CFAP54: variants seen among roughly 807,000 people sequenced by gnomAD.
CFAP54 encodes the protein cilia- and flagella-associated protein 54.
A neutral mutation model predicts 370.4 loss-of-function variants in CFAP54; 290 were observed. The observed-to-expected ratio is 0.78, with a 90% CI of 0.71 to 0.86. The LOEUF (loss-of-function observed/expected upper bound fraction) is 0.86, where lower values mean the gene tolerates loss of function less well. Ranked by LOEUF, CFAP54 falls within the 40% of genes least tolerant of loss-of-function variation. The pLI, the probability that CFAP54 is intolerant of heterozygous loss-of-function variation, is 0.00. For missense variants in CFAP54, 3,399 were observed against 3,528.7 expected, an observed-to-expected ratio of 0.96 and a Z score of 0.93; for synonymous variants, 1,206 against 1,236.5, an observed-to-expected ratio of 0.98 and a Z score of 0.52.
Position 96,579,162 on chromosome 12 carries a change from T to C in CFAP54, c.2797-1435T>C, listed in dbSNP as rs546552430. 3.5e-4 allele frequency among the ~76,000 whole-genome samples: 53 copies of C among 152,212 alleles called. 1 individual carries two copies. The highest frequency in any genetic ancestry group is 3.1e-4 in the Non-Finnish European group (21 of 67,976). ...ATGGGAAATCAAAGGAAGTTAGTTT[T>C]GCATTTTTTTTTTCTGAGATTCATC... On this transcript the variant is annotated intron_variant, in intron 20 of 67. Coordinates refer to ENST00000524981, the MANE Select transcript of CFAP54 (RefSeq NM_001306084.2).
intron 13 of CFAP54, among the ~76,000 whole-genome samples, chr12:96,539,881 A>T (rs1004072043): frequency 2.6e-5 from 4 of 152,158 alleles, no homozygotes; most frequent in African/African-American, 7.2e-5. Flanking sequence ...TAACCTGGAA[A>T]CTTAGGAGAA....
chr12:96,638,203 G>A lies in CFAP54; in HGVS notation c.4317-5975G>A, dbSNP rs200439108. 9.9e-3 allele frequency among the ~76,000 whole-genome samples: 896 copies of A among 90,960 alleles called. 4 individuals are homozygous for A. The highest frequency in any genetic ancestry group is 0.019 in the Middle Eastern group (3 of 160). 59.7% of individuals were successfully genotyped at this position (90,960 alleles called of 152,430 possible). A position where few individuals can be genotyped will look rare whatever the true frequency, so the allele number is the denominator to read the frequency against. On this transcript the variant is annotated intron_variant, in intron 32 of 67. Transcript: ENST00000524981. ...CTGCATCATATATATATATATATATGCATGTGTGTGTGTGTGTGTGTGTGT... is the reference window on the plus strand; with the variant it reads ...CTGCATCATATATATATATATATATACATGTGTGTGTGTGTGTGTGTGTGT...
rs1955215423 is a variant in CFAP54 at position 96,515,064 on chromosome 12, G to C, written c.798+2020G>C. ...TGCTCTGTTGCCCAGGCTGGGTGCA[G>C]TGGCGCCGTCTTAGCTCACTGCAAG... On this transcript the variant is annotated intron_variant, in intron 5 of 67. Coordinates refer to ENST00000524981, the MANE Select transcript of CFAP54 (RefSeq NM_001306084.2). Among the ~76,000 whole-genome samples the C allele has an allele frequency of 2.0e-5, 3 of 150,008 alleles. No individual in the cohort carries two copies. The South Asian group carries it at 6.3e-4, about 31-fold the overall frequency.
At chr12:96,703,240 A>G (rs1957511029) in intron 46 of CFAP54, among the ~76,000 whole-genome samples, 1 of 152,234 alleles carries the variant, frequency 6.6e-6, no homozygotes, top group South Asian at 2.1e-4. Context: ...GGAAAGCTAG[A>G]TAGGGGAAAA....
intron 15 of CFAP54, among the ~76,000 whole-genome samples, chr12:96,552,616 T>C (rs772424856): frequency 4.6e-5 from 7 of 152,276 alleles, no homozygotes; most frequent in Non-Finnish European, 8.8e-5. Flanking sequence ...AGTGTTGGGG[T>C]TACAGGCGTG....
chr12:96,809,240 C>A (rs7305321), intron 63 of CFAP54, among the ~76,000 whole-genome samples: 52,322 of 151,824 alleles, frequency 0.34, 9,310 homozygotes, highest in South Asian at 0.55. Context: ...CAGTTCATGG[C>A]CTTTTTTTAT....
chr12:96,771,458 C>T (rs951724379), intron 60 of CFAP54, among the ~76,000 whole-genome samples: 13 of 152,178 alleles, frequency 8.5e-5, no homozygotes, highest in Admixed American at 2.6e-4. Flanking sequence ...GGAGACCATC[C>T]TGGCTAACAC....
chr12:96,784,505 A>G (rs1410437640), intron 60 of CFAP54, among the ~76,000 whole-genome samples: 3 of 151,546 alleles, frequency 2.0e-5, no homozygotes, highest in Non-Finnish European at 4.4e-5. Flanking sequence ...GAGAGTTCAT[A>G]TATATATATA....
intron 60 of CFAP54, among the ~76,000 whole-genome samples, chr12:96,782,082 A>G (rs1958585780): frequency 6.6e-6 from 1 of 152,114 alleles, no homozygotes; most frequent in Non-Finnish European, 1.5e-5. Flanking sequence ...TAATAGATTG[A>G]AAGAGAAAAA....
rs182254670 is a variant in CFAP54 at position 96,794,519 on chromosome 12, C to T, written c.8850+2020C>T. 3.2e-3 allele frequency among the ~76,000 whole-genome samples: 481 copies of T among 150,236 alleles called. 7 individuals carry two copies. Among genetic ancestry groups the T allele is most frequent in the East Asian group, 2.5e-3 (13 of 5,132 alleles). ...TCTGAAATTCTTTCTTATACTTGTT[C>T]GATTCTATTGTTGAGACTTTCCATT... is the stretch of plus-strand genomic sequence containing the variant. On this transcript the variant is annotated intron_variant, in intron 63 of 67. Transcript: ENST00000524981.
chr12:96,827,006 A>T (rs7976898), intron 65 of CFAP54, among the ~76,000 whole-genome samples: 3,238 of 130,354 alleles, frequency 0.025, 112 homozygotes, highest in African/African-American at 0.082. Flanking sequence ...TATATGATTA[A>T]TTATAATATG....
chr12:96,516,468 T>C (rs1955236887), intron 5 of CFAP54, among the ~76,000 whole-genome samples: 1 of 152,158 alleles, frequency 6.6e-6, no homozygotes, highest in Non-Finnish European at 1.5e-5. Context: ...AAAGACATCC[T>C]GAAAACCAAA....
chr12:96,813,219 G>C (rs1592778937), intron 64 of CFAP54, among the ~76,000 whole-genome samples: 1 of 152,194 alleles, frequency 6.6e-6, no homozygotes, highest in East Asian at 1.9e-4. Context: ...CAATAGTAGG[G>C]TTACTAAAAT....
chr12:96,830,738 G>T (rs1196775665), intron 66 of CFAP54, among the ~76,000 whole-genome samples: 1 of 152,104 alleles, frequency 6.6e-6, no homozygotes, highest in Non-Finnish European at 1.5e-5. Flanking sequence ...GAGTGCAGTG[G>T]TGTGATCTTG....
At chr12:96,802,048 A>C (rs187007833) in intron 63 of CFAP54, among the ~76,000 whole-genome samples, 142 of 152,158 alleles carry the variant, frequency 9.3e-4, no homozygotes, top group African/African-American at 3.3e-3. Flanking sequence ...CCCTGATTGC[A>C]GGCCTAAGGT....
intron 47 of CFAP54, among the ~76,000 whole-genome samples, chr12:96,707,898 G>A (rs1018448198): frequency 5.3e-5 from 8 of 151,980 alleles, no homozygotes; most frequent in African/African-American, 9.7e-5. Context: ...AGAGAAGGGC[G>A]CAAAATGGTT....
At chr12:96,560,117 A>T (rs1955799796) in intron 17 of CFAP54, among the ~76,000 whole-genome samples, 2 of 152,162 alleles carry the variant, frequency 1.3e-5, no homozygotes, top group Admixed American at 6.6e-5. Context: ...TTTATCAGTT[A>T]TTTGTGTTGA....
chr12:96,640,055 C>T (rs1956706928), intron 32 of CFAP54, among the ~76,000 whole-genome samples: 1 of 152,104 alleles, frequency 6.6e-6, no homozygotes, highest in Admixed American at 6.5e-5. Flanking sequence ...TCCTATTCAA[C>T]ATAGTGTTGG....
intron 24 of CFAP54, 23 bp from the exon 25 acceptor site, chr12:96,594,268 T>C: frequency 6.7e-7 from 1 of 1,488,456 alleles, no homozygotes; most frequent in African/African-American, 1.4e-5. Context: ...TCAATCTGAG[T>C]AACAATGCCT....
Sources: gnomAD v4.1 joint callset for allele counts (sites outside exome capture counted in the v4.1 genomes callset) on GRCh38, gnomAD v4.1.1 for gene constraint, MANE v1.5 for transcripts, NCBI Gene and HGNC (gene_info 2026-07-23, HGNC 2026-07-21) for gene names.